Variants in GABRB2 observed in about 807,000 individuals in gnomAD.
The protein encoded by GABRB2 is gamma-aminobutyric acid receptor subunit beta-2.
A neutral mutation model predicts 54.7 loss-of-function variants in GABRB2; 16 were observed. The ratio of observed to expected loss-of-function variants is 0.29; its 90% CI spans 0.20 to 0.44. The LOEUF (loss-of-function observed/expected upper bound fraction) is 0.44. Ranked by LOEUF, GABRB2 falls within the 20% of genes least tolerant of loss-of-function variation. The probability of loss-of-function intolerance (pLI) is 1.00; values close to 1 mark genes in which losing one functional copy is unlikely to be tolerated. For missense variants in GABRB2, 355 were observed against 644.0 expected (o/e 0.55, Z 4.86); for synonymous variants, 244 against 233.8 (o/e 1.04, Z -0.40).
intron 5 of GABRB2, among the ~76,000 whole-genome samples, chr5:161,395,746 C>T (rs2113058521): frequency 1.3e-5 from 2 of 152,100 alleles, no homozygotes; most frequent in Middle Eastern, 3.4e-3. Flanking sequence ...ATCCTTGAGG[C>T]TATTCAAGAA....
chr5:161,516,178 C>CT (rs1433887842), intron 3 of GABRB2, among the ~76,000 whole-genome samples: 1 of 152,116 alleles, frequency 6.6e-6, no homozygotes, highest in Non-Finnish European at 1.5e-5. Context: ...AAATTAAAGA[C>CT]TTTTTTTACT....
intron 3 of GABRB2, among the ~76,000 whole-genome samples, chr5:161,471,423 A>G (rs1758435657): frequency 6.6e-6 from 1 of 152,036 alleles, no homozygotes; most frequent in Admixed American, 6.6e-5. Flanking sequence ...CAGATGTTCA[A>G]TTGCAGCATT....
chr5:161,439,180 A>G (rs4326182), intron 4 of GABRB2, among the ~76,000 whole-genome samples: 64,858 of 152,016 alleles, frequency 0.43, 15,236 homozygotes, highest in African/African-American at 0.64. Flanking sequence ...TAACAATGAC[A>G]CTCCGATATG....
intron 3 of GABRB2, among the ~76,000 whole-genome samples, chr5:161,502,684 T>C (rs891854547): frequency 6.6e-6 from 1 of 152,166 alleles, no homozygotes; most frequent in African/African-American, 2.4e-5. Context: ...CTGGGATCAG[T>C]GCCTAAAGCA....
chr5:161,427,358 T>G (rs1757031941), intron 4 of GABRB2, among the ~76,000 whole-genome samples: 1 of 152,178 alleles, frequency 6.6e-6, no homozygotes, highest in African/African-American at 2.4e-5. Flanking sequence ...ATAGAAAGAT[T>G]ACTTGGCGGA....
intron 5 of GABRB2, among the ~76,000 whole-genome samples, chr5:161,400,089 A>G (rs999242757): frequency 6.6e-6 from 1 of 152,218 alleles, no homozygotes; most frequent in African/African-American, 2.4e-5. Flanking sequence ...TCTTCAAGCA[A>G]TAACACAGGA....
intron 9 of GABRB2, among the ~76,000 whole-genome samples, chr5:161,295,326 T>C (rs1471247008): frequency 1.3e-5 from 2 of 152,208 alleles, no homozygotes; most frequent in African/African-American, 2.4e-5. Context: ...TAAATAGATA[T>C]CATGATTCCC....
At chr5:161,391,338 T>A (rs1357226731) in intron 5 of GABRB2, among the ~76,000 whole-genome samples, 1 of 152,196 alleles carries the variant, frequency 6.6e-6, no homozygotes, top group Non-Finnish European at 1.5e-5. Context: ...CCTCTTTTTT[T>A]ATGTGAGAAC....
intron 3 of GABRB2, among the ~76,000 whole-genome samples, chr5:161,488,813 T>G (rs1759010865): frequency 6.6e-6 from 1 of 151,772 alleles, no homozygotes. Context: ...TTACAAAAGG[T>G]ATACACAAAT....
chr5:161,492,435 A>G (rs1183546881), intron 3 of GABRB2, among the ~76,000 whole-genome samples: 1 of 151,678 alleles, frequency 6.6e-6, no homozygotes, highest in African/African-American at 2.4e-5. Flanking sequence ...CTTCTTGCTA[A>G]TCATCCCATT....
At chr5:161,389,059 T>C (rs1755735565) in intron 5 of GABRB2, among the ~76,000 whole-genome samples, 1 of 152,042 alleles carries the variant, frequency 6.6e-6, no homozygotes, top group Admixed American at 6.6e-5. Context: ...CCTGATTCTG[T>C]CATTAACCAG....
At chr5:161,322,748 C>G (rs1381763018) in intron 9 of GABRB2, among the ~76,000 whole-genome samples, 1 of 152,136 alleles carries the variant, frequency 6.6e-6, no homozygotes, top group African/African-American at 2.4e-5. Flanking sequence ...TTACTACAGC[C>G]TGAACTTTGT....
At chr5:161,461,393 T>C (rs903004925) in intron 3 of GABRB2, among the ~76,000 whole-genome samples, 10 of 152,170 alleles carry the variant, frequency 6.6e-5, no homozygotes, top group African/African-American at 1.7e-4. Flanking sequence ...GTCCCAATTC[T>C]ACCATTTCTC....
intron 3 of GABRB2, among the ~76,000 whole-genome samples, chr5:161,462,096 G>A (rs1758133290): frequency 6.6e-6 from 1 of 152,164 alleles, no homozygotes; most frequent in Non-Finnish European, 1.5e-5. Context: ...ACCTCACTCA[G>A]AAATTAGTGT....
intron 3 of GABRB2, among the ~76,000 whole-genome samples, chr5:161,469,708 T>A (rs1247183326): frequency 6.6e-6 from 1 of 151,314 alleles, no homozygotes; most frequent in African/African-American, 2.4e-5. Flanking sequence ...CACATACACA[T>A]ACACATACAC....
At chr5:161,299,061 A>G (rs1043173756) in intron 9 of GABRB2, among the ~76,000 whole-genome samples, 5 of 152,170 alleles carry the variant, frequency 3.3e-5, no homozygotes, top group African/African-American at 4.8e-5. Context: ...GGGGCAGTCA[A>G]CTGGAGGGGC....
Position 161,546,634 on chromosome 5 carries a change from C to T in GABRB2, c.10G>A (p.Val4Met), listed in dbSNP as rs368787045. Residue 4 changes from valine (V) to methionine (M), a missense_variant, in exon 1 of 10, where the codon GTG (valine) becomes ATG (methionine). This residue lies in a region of GABRB2 where 42 missense variants were observed against 43.0 expected (regional missense o/e 0.98). Transcript: ENST00000393959. MWR[V>M]RKRGYFGIWS... ...ATCCCAAAGTAGCCCCTTTTCCGCA[C>T]TCTCCACATCCCTTTAGTTTTTGAT... 2.3e-5 allele frequency: 37 copies of T among 1,594,780 alleles called. No individual in the cohort carries two copies. The East Asian group carries it at 4.7e-4, about 20-fold the overall frequency.
At chr5:161,482,093 TC>T (rs1758779686) in intron 3 of GABRB2, among the ~76,000 whole-genome samples, 1 of 151,996 alleles carries the variant, frequency 6.6e-6, no homozygotes, top group South Asian at 2.1e-4. Flanking sequence ...TGTCTCAAAC[TC>T]CTTTCCCATT....
intron 5 of GABRB2, among the ~76,000 whole-genome samples, chr5:161,386,955 A>C (rs1755659798): frequency 6.6e-6 from 1 of 152,096 alleles, no homozygotes; most frequent in African/African-American, 2.4e-5. Flanking sequence ...GGGATGGAGG[A>C]GGAGGTACAG....
Sources: allele counts gnomAD v4.1 joint callset (sites outside exome capture counted in the v4.1 genomes callset), GRCh38; gene constraint gnomAD v4.1.1; regional missense constraint gnomAD v4.1.1; transcripts MANE v1.5; gene names NCBI Gene and HGNC (gene_info 2026-07-23, HGNC 2026-07-21).